KIF13B: variants seen among roughly 807,000 people sequenced by gnomAD.
The protein encoded by KIF13B is kinesin family member 13B.
KIF13B carries 127 observed loss-of-function variants against 222.0 expected under a neutral mutation model. The ratio of observed to expected loss-of-function variants is 0.57; its 90% CI spans 0.50 to 0.66. The LOEUF (loss-of-function observed/expected upper bound fraction) is 0.66. Ranked by LOEUF, KIF13B falls within the 30% of genes least tolerant of loss-of-function variation. The pLI, the probability that KIF13B is intolerant of heterozygous loss-of-function variation, is 0.00. For missense variants in KIF13B, 2,173 were observed against 2,379.0 expected (o/e 0.91, Z 1.80); for synonymous variants, 976 against 919.0 (o/e 1.06, Z -1.12).
intron 13 of KIF13B, 116 bp downstream of exon 13, chr8:29,160,617 G>T: frequency 2.4e-6 from 2 of 848,656 alleles, no homozygotes; most frequent in South Asian, 2.7e-5. Context: ...ACCCAAGATG[G>T]TTCTATAACT....
rs752886882 is a variant in KIF13B at position 29,110,110 on chromosome 8, T to G, written c.3931-40A>C. 1.3e-5 allele frequency: 20 copies of G among 1,516,614 alleles called. No individual in the cohort carries two copies. In the East Asian group the frequency reaches 4.7e-4, roughly 35 times the overall value. The allele number at this position is 1,516,614 out of a possible 1,614,324, so 93.9% of individuals were successfully genotyped here. The stretch of plus-strand genomic sequence containing the variant: ...GTTATACATTATAAAAGCTTCTTGA[T>G]GTACACACACACACGTACACGCGTG... On this transcript the variant is annotated intron_variant, in intron 32 of 39. Transcript: ENST00000524189.
At chr8:29,192,066 G>C (rs1813215359) in intron 3 of KIF13B, among the ~76,000 whole-genome samples, 2 of 151,996 alleles carry the variant, frequency 1.3e-5, no homozygotes, top group Non-Finnish European at 2.9e-5. Flanking sequence ...TCTCCTGATG[G>C]CCACCTTTCC....
At chr8:29,189,285 C>A (rs1349050040) in intron 4 of KIF13B, 1 of 140,532 alleles carries the variant, frequency 7.1e-6, no homozygotes, top group Admixed American at 7.1e-5. Context: ...GTCTCATTTC[C>A]TTTTTTTTTT....
intron 2 of KIF13B, among the ~76,000 whole-genome samples, chr8:29,243,448 G>A (rs966843584): frequency 6.6e-6 from 1 of 152,018 alleles, no homozygotes; most frequent in Non-Finnish European, 1.5e-5. Context: ...CTTGAGGTCA[G>A]GAGTTTGAGA....
At chr8:29,104,830 G>GC (rs948580177) in intron 35 of KIF13B, among the ~76,000 whole-genome samples, 108 of 151,646 alleles carry the variant, frequency 7.1e-4, no homozygotes, top group African/African-American at 2.5e-3. Context: ...TGCAGGCTCC[G>GC]CCCCCCGTGG....
chr8:29,209,714 T>G (rs17059791), intron 2 of KIF13B, among the ~76,000 whole-genome samples: 7,155 of 151,970 alleles, frequency 0.047, 360 homozygotes, highest in African/African-American at 0.12. Flanking sequence ...TCAAGTACAC[T>G]CTGAACTAGC....
chr8:29,166,816 A>G (rs1812020755), intron 11 of KIF13B, among the ~76,000 whole-genome samples: 1 of 152,204 alleles, frequency 6.6e-6, no homozygotes, highest in Non-Finnish European at 1.5e-5. Context: ...AAATTTATTA[A>G]TGCAACATTA....
chr8:29,252,046 T>C (rs2130679367), intron 1 of KIF13B, among the ~76,000 whole-genome samples: 1 of 137,692 alleles, frequency 7.3e-6, no homozygotes, highest in South Asian at 2.4e-4. Context: ...GGAAGGGGGA[T>C]GGGAGAAGGG....
rs369280304 is a variant in KIF13B, at chr8:29,223,331, C to CAAAAAAAAAA, written c.149+22005_149+22014dup. 3.9e-5 allele frequency among the ~76,000 whole-genome samples: 4 copies of CAAAAAAAAAA among 103,672 alleles called. 1 individual carries two copies. The highest frequency in any genetic ancestry group is 5.8e-5 in the Non-Finnish European group (3 of 51,874). 68.0% of individuals were successfully genotyped at this position (103,672 alleles called of 152,430 possible). ...AGCCTGAGTGAGAGAGACCCTGTCTCAAAAAAAAAAAAAACAAAAAAATCT... is the reference window on the plus strand; with the variant it reads ...AGCCTGAGTGAGAGAGACCCTGTCTCAAAAAAAAAAAAAAAAAAAAAAAACAAAAAAATCT... On this transcript the variant is annotated intron_variant, in intron 2 of 39. Coordinates refer to ENST00000524189, the MANE Select transcript of KIF13B (RefSeq NM_015254.4).
At chr8:29,147,305 T>C (rs4732909) in intron 17 of KIF13B, 87 bp downstream of exon 17, 162,757 of 922,314 alleles carry the variant, frequency 0.18, 15,956 homozygotes, top group Admixed American at 0.34. Flanking sequence ...AGCACCATCT[T>C]AATGTTCCCA....
chr8:29,197,209 C>T (rs1178696860), intron 2 of KIF13B, among the ~76,000 whole-genome samples: 1 of 149,694 alleles, frequency 6.7e-6, no homozygotes, highest in Non-Finnish European at 1.5e-5. Context: ...TAGTGGCGGG[C>T]GCCTGTAGTC....
chr8:29,222,946 T>C (rs1814824573), intron 2 of KIF13B, among the ~76,000 whole-genome samples: 1 of 152,106 alleles, frequency 6.6e-6, no homozygotes, highest in Non-Finnish European at 1.5e-5. Flanking sequence ...ATGGGACAAT[T>C]TGTTATGTGA....
At chr8:29,229,600 T>C (rs887356971) in intron 2 of KIF13B, among the ~76,000 whole-genome samples, 1 of 152,244 alleles carries the variant, frequency 6.6e-6, no homozygotes, top group Non-Finnish European at 1.5e-5. Flanking sequence ...CCAAGAATGC[T>C]GTGCTGGCTG....
At chr8:29,250,575 C>T (rs1428361033) in intron 1 of KIF13B, among the ~76,000 whole-genome samples, 1 of 152,202 alleles carries the variant, frequency 6.6e-6, no homozygotes, top group Admixed American at 6.5e-5. Flanking sequence ...ATCTAACACC[C>T]ATCAAAGATG....
At chr8:29,162,293 C>G (rs1250973028) in intron 12 of KIF13B, among the ~76,000 whole-genome samples, 1 of 152,218 alleles carries the variant, frequency 6.6e-6, no homozygotes, top group Non-Finnish European at 1.5e-5. Flanking sequence ...TTTGCTATTT[C>G]TAGGCATGCC....
intron 1 of KIF13B, 59 bp from the exon 2 acceptor site, chr8:29,245,498 G>A (rs7386766): frequency 1.6e-6 from 2 of 1,263,084 alleles, no homozygotes; most frequent in Non-Finnish European, 2.2e-6. Flanking sequence ...TTCAGAAAAG[G>A]CAAAATTCAG....
chr8:29,194,277 CCATT>C (rs1813320729), intron 3 of KIF13B, among the ~76,000 whole-genome samples: 1 of 140,812 alleles, frequency 7.1e-6, no homozygotes, highest in Admixed American at 7.4e-5. Flanking sequence ...ACTCTCCTCT[CCATT>C]ATTATTGGGT....
At chr8:29,222,513 GACTTTTTTTTTTTT>G (rs1814799828) in intron 2 of KIF13B, among the ~76,000 whole-genome samples, 7 of 95,760 alleles carry the variant, frequency 7.3e-5, no homozygotes, top group Admixed American at 3.9e-4. Context: ...TCCCACACCT[GACTTTTTTTTTTTT>G]TTTTTTTTTT....
intron 34 of KIF13B, among the ~76,000 whole-genome samples, 164 bp from the exon 35 acceptor site, chr8:29,108,356 C>T (rs1282409686): frequency 6.6e-6 from 1 of 152,216 alleles, no homozygotes; most frequent in Non-Finnish European, 1.5e-5. Flanking sequence ...TGGGACATTA[C>T]AAACATTGAA....
Sources: allele counts gnomAD v4.1 joint callset (sites outside exome capture counted in the v4.1 genomes callset), GRCh38; gene constraint gnomAD v4.1.1; transcripts MANE v1.5; gene names NCBI Gene and HGNC (gene_info 2026-07-23, HGNC 2026-07-21).